Variants in CHST15 observed in about 807,000 individuals in gnomAD.
CHST15 encodes the protein carbohydrate sulfotransferase 15.
CHST15 carries 30 observed loss-of-function variants against 53.6 expected under a neutral mutation model. That is an observed-to-expected ratio of 0.56 (90% confidence interval 0.42 to 0.76). The LOEUF is 0.76. CHST15 is among the 30% of genes least tolerant of loss of function. The pLI, the probability that CHST15 is intolerant of heterozygous loss-of-function variation, is 0.00. For missense variants in CHST15, 627 were observed against 740.5 expected, an observed-to-expected ratio of 0.85 and a Z score of 1.78; for synonymous variants, 296 against 289.8, an observed-to-expected ratio of 1.02 and a Z score of -0.22.
At position 124,009,457 on chromosome 10, in the gene CHST15, G is replaced by A; in HGVS notation, c.*692C>T. On this transcript the variant is annotated 3_prime_UTR_variant, in exon 8 of 8. Transcript: ENST00000435907. The stretch of plus-strand genomic sequence containing the variant: ...AAAGATGAAGGTGCTGCCAAAAACT[G>A]ACTTATTTTTTTCCTTTTGGAAACA... 1 of 988,400 alleles carries A rather than the reference G, an allele frequency of 1.0e-6. No individual in the cohort carries two copies. The highest frequency in any genetic ancestry group is 1.7e-5 in the African/African-American group (1 of 57,286). The allele number at this position is 988,400 out of a possible 1,614,324, so 61.2% of individuals were successfully genotyped here.
chr10:124,065,810 A>G (rs2134129007), intron 1 of CHST15, among the ~76,000 whole-genome samples: 1 of 152,222 alleles, frequency 6.6e-6, no homozygotes, highest in South Asian at 2.1e-4. Context: ...GTTTTGACCC[A>G]TTCTCAGTTT....
At chr10:124,087,517 G>A (rs565741325) in intron 1 of CHST15, among the ~76,000 whole-genome samples, 1 of 152,314 alleles carries the variant, frequency 6.6e-6, no homozygotes, top group Non-Finnish European at 1.5e-5. Context: ...TGGGTGCCTG[G>A]ACTGTCTGTT....
At chr10:124,066,063 T>C (rs1948742724) in intron 1 of CHST15, among the ~76,000 whole-genome samples, 1 of 152,064 alleles carries the variant, frequency 6.6e-6, no homozygotes. Context: ...TCTTATTTGG[T>C]CCCCTCAGTC....
In CHST15 at chr10:124,045,898, A is replaced by G. The variant is rs763929054; in HGVS notation, c.315T>C (p.Leu105=). 1 of 1,614,060 alleles carries G rather than the reference A, an allele frequency of 6.2e-7. No homozygotes were observed. Among genetic ancestry groups the G allele is most frequent in the Admixed American group, 1.7e-5 (1 of 60,012 alleles). ...CGTAATGGAAAGGTGATGAGATCAG[A>G]AGCTCTTGGTGGGCCCCAGAAAGGA... is the stretch of plus-strand genomic sequence containing the variant. ...SYILSGAHQE[L]LISSPFHYGG... Residue 105 remains leucine (L), a synonymous_variant, in exon 2 of 8, where the codon CTT becomes CTC. Coordinates refer to ENST00000435907, the MANE Select transcript of CHST15 (RefSeq NM_001270764.2).
At chr10:124,088,066 C>A (rs1229463308) in intron 1 of CHST15, among the ~76,000 whole-genome samples, 2 of 152,192 alleles carry the variant, frequency 1.3e-5, no homozygotes, top group Admixed American at 6.5e-5. Flanking sequence ...GAGACATGCA[C>A]GGTTAGGAGC....
intron 1 of CHST15, among the ~76,000 whole-genome samples, chr10:124,053,800 C>T (rs1049006003): frequency 1.3e-5 from 2 of 152,094 alleles, no homozygotes; most frequent in Admixed American, 6.5e-5. Context: ...CACCTGTAGT[C>T]CCAGCTACTT....
rs1031395822 is a variant in CHST15 at position 124,010,276 on chromosome 10, G to A, written c.1559C>T (p.Pro520Leu). The change falls in exon 8 of 8, where the codon CCC becomes CTC. Residue 520 changes from proline (P) to leucine (L), a missense_variant. Coordinates refer to ENST00000435907, the MANE Select transcript of CHST15 (RefSeq NM_001270764.2). ...CATGGGCCCCAGGTTCCGGTCCTCG[G>A]GACGCCGTGCATTGGATGCGGGGCT... ...TKSPASNARRPEDRNLGPMWP... is the reference protein window; with the variant it reads ...TKSPASNARRLEDRNLGPMWP... 3 of 1,613,638 alleles carry A rather than the reference G, an allele frequency of 1.9e-6. No homozygotes were observed. Among genetic ancestry groups the A allele is most frequent in the Non-Finnish European group, 2.5e-6 (3 of 1,179,846 alleles).
chr10:124,021,143 C>T, intron 6 of CHST15, 113 bp downstream of exon 6: 15 of 1,531,924 alleles, frequency 9.8e-6, no homozygotes, highest in Non-Finnish European at 1.3e-5. Context: ...TAAAACGCTT[C>T]TCTCTGTTCC....
chr10:124,036,182 C>A lies in CHST15; in HGVS notation c.1190+2333G>T, dbSNP rs73367691. 6.6e-6 allele frequency among the ~76,000 whole-genome samples: 1 copy of A among 152,122 alleles called. No homozygotes were observed. Among genetic ancestry groups the A allele is most frequent in the Non-Finnish European group, 1.5e-5 (1 of 68,020 alleles). On this transcript the variant is annotated intron_variant, in intron 5 of 7. Coordinates refer to ENST00000435907, the MANE Select transcript of CHST15 (RefSeq NM_001270764.2). The surrounding 1 kb of genome is among the most constrained non-coding windows in gnomAD (Gnocchi z 5.1). ...GCAGCTATGCAAACACCTCCGGGGG[C>A]GGCGAGGGGTCAGCTCGAGGTGACA...
intron 1 of CHST15, among the ~76,000 whole-genome samples, chr10:124,077,055 G>A (rs1949098332): frequency 6.6e-6 from 1 of 152,158 alleles, no homozygotes; most frequent in Non-Finnish European, 1.5e-5. Context: ...ACTGCGTCTT[G>A]CAAATTATAT....
rs751636761 is a variant in CHST15 at position 124,010,132 on chromosome 10, C to T, written c.*17G>A. 3.3e-5 allele frequency: 53 copies of T among 1,611,810 alleles called. No individual in the cohort carries two copies. Among genetic ancestry groups the T allele is most frequent in the Non-Finnish European group, 4.3e-5 (51 of 1,179,938 alleles). ...ACGGCATTGGCGGGCCCAGCACGTG[C>T]AGCAACAATTCAGCTCTCACGTCGT... On this transcript the variant is annotated 3_prime_UTR_variant, in exon 8 of 8. Coordinates refer to ENST00000435907, the MANE Select transcript of CHST15 (RefSeq NM_001270764.2).
At chr10:124,013,490 C>T (rs1255162100) in intron 6 of CHST15, among the ~76,000 whole-genome samples, 1 of 152,252 alleles carries the variant, frequency 6.6e-6, no homozygotes, top group Non-Finnish European at 1.5e-5. Context: ...CTGCCCCCTG[C>T]ACTTCCTCTC....
chr10:124,072,535 C>A (rs963285945), intron 1 of CHST15, among the ~76,000 whole-genome samples: 2 of 152,128 alleles, frequency 1.3e-5, no homozygotes, highest in Non-Finnish European at 2.9e-5. Context: ...CTGGACTGAT[C>A]TACAAATAAA....
At chr10:124,093,035 C>G (rs1949651480) in intron 1 of CHST15, among the ~76,000 whole-genome samples, 1 of 152,188 alleles carries the variant, frequency 6.6e-6, no homozygotes, top group Non-Finnish European at 1.5e-5. Flanking sequence ...CGGCCGCGTC[C>G]TCTCTGCGAG....
intron 1 of CHST15, among the ~76,000 whole-genome samples, chr10:124,080,011 T>C (rs1333601179): frequency 6.6e-6 from 1 of 152,122 alleles, no homozygotes; most frequent in Non-Finnish European, 1.5e-5. Flanking sequence ...TGTGCTTACA[T>C]AAAAATAACT....
intron 1 of CHST15, among the ~76,000 whole-genome samples, chr10:124,082,895 A>G (rs1201155332): frequency 1.3e-5 from 2 of 152,172 alleles, no homozygotes; most frequent in African/African-American, 4.8e-5. Flanking sequence ...CAAGAAGTAG[A>G]TTTGTGGTTG....
At position 124,019,822 on chromosome 10, in the gene CHST15, C is replaced by T. The variant is rs11551352; in HGVS notation, c.1347+1434G>A. ...GAGGCTAGACCAGGTGGTGCGGCCC[C>T]ATGTGCCACGCACCCAAGCCCCCTG... On this transcript the variant is annotated intron_variant, in intron 6 of 7. Coordinates refer to ENST00000435907, the MANE Select transcript of CHST15 (RefSeq NM_001270764.2). This position sits in a 1 kb window ranked among gnomAD's most constrained non-coding sequence, Gnocchi z 4.6. The T allele has an allele frequency of 1.0e-6, 1 of 985,548 alleles. No homozygotes were observed. The highest frequency in any genetic ancestry group is 1.7e-5 in the African/African-American group (1 of 57,240). The allele number at this position is 985,548 out of a possible 1,614,324, so 61.1% of individuals were successfully genotyped here. A position where few individuals can be genotyped will look rare whatever the true frequency, so the allele number is the denominator to read the frequency against.
intron 7 of CHST15, chr10:124,010,814 C>T (rs1946391014): frequency 1.0e-6 from 1 of 985,324 alleles, no homozygotes; most frequent in South Asian, 4.7e-5. Context: ...TGCACAGTTT[C>T]ACCCTGTGCG....
chr10:124,043,274 G>A (rs374668397), intron 3 of CHST15, among the ~76,000 whole-genome samples: 8 of 152,268 alleles, frequency 5.3e-5, no homozygotes, highest in African/African-American at 1.9e-4. Context: ...TCATTAAGGG[G>A]AAATCACTGT....
Sources: gnomAD v4.1 joint callset for allele counts (sites outside exome capture counted in the v4.1 genomes callset) on GRCh38, gnomAD v4.1.1 for gene constraint, Gnocchi (gnomAD v3.1) non-coding constraint, MANE v1.5 for transcripts, NCBI Gene and HGNC (gene_info 2026-07-23, HGNC 2026-07-21) for gene names.